Variants in EBF1 observed in about 807,000 individuals in gnomAD.
EBF1 encodes the protein transcription factor COE1.
In EBF1, 10 loss-of-function variants were observed where a neutral mutation model predicts 68.4. That is an observed-to-expected ratio of 0.15 (90% CI 0.09 to 0.25). EBF1 has a LOEUF of 0.25. Ranked by LOEUF, EBF1 falls within the 10% of genes least tolerant of loss-of-function variation. EBF1 has a pLI of 1.00. For missense variants in EBF1, 509 were observed against 794.4 expected (o/e 0.64, Z 4.32); for synonymous variants, 298 against 299.8 (o/e 0.99, Z 0.06).
chr5:158,969,916 G>GAA (rs61157554), intron 6 of EBF1, among the ~76,000 whole-genome samples: 5 of 80,100 alleles, frequency 6.2e-5, no homozygotes, highest in African/African-American at 1.5e-4. Flanking sequence ...AAGAAAGAAA[G>GAA]AAAAAAAAAA....
intron 14 of EBF1, among the ~76,000 whole-genome samples, chr5:158,708,860 A>C (rs1758498770): frequency 1.3e-5 from 2 of 152,246 alleles, no homozygotes; most frequent in Non-Finnish European, 1.5e-5. Context: ...CATGGGATAT[A>C]CATGAATGTT....
chr5:159,090,834 A>ATAAT, intron 4 of EBF1, among the ~76,000 whole-genome samples: 1 of 151,844 alleles, frequency 6.6e-6, no homozygotes, highest in Admixed American at 6.6e-5. Context: ...AATAATAATA[A>ATAAT]AAGCATCTAA....
chr5:159,084,450 T>C (rs373901119), intron 5 of EBF1, among the ~76,000 whole-genome samples: 392 of 152,248 alleles, frequency 2.6e-3, no homozygotes, highest in Non-Finnish European at 4.6e-3. Flanking sequence ...GAAATGTATG[T>C]CTTTCGGGAT....
At chr5:158,921,631 T>C (rs1422348228) in intron 6 of EBF1, among the ~76,000 whole-genome samples, 1 of 152,202 alleles carries the variant, frequency 6.6e-6, no homozygotes, top group African/African-American at 2.4e-5. Context: ...TTAGCGTGCA[T>C]TAATTAGTCC....
chr5:158,699,526 A>G (rs139325742), intron 15 of EBF1, among the ~76,000 whole-genome samples: 54 of 152,258 alleles, frequency 3.5e-4, no homozygotes, highest in African/African-American at 1.3e-3. Flanking sequence ...CTTCACACCC[A>G]AAATATAAAG....
chr5:158,910,351 A>G (rs965161923), intron 6 of EBF1, among the ~76,000 whole-genome samples: 34 of 152,242 alleles, frequency 2.2e-4, no homozygotes, highest in African/African-American at 8.2e-4. Context: ...TATTTCCCTT[A>G]GAGAAAGGCA....
rs576349439 is a variant in EBF1, at chr5:158,920,582, C to CT, written c.555-80473dup. Among the ~76,000 whole-genome samples, 913 of 147,400 alleles carry CT rather than the reference C, an allele frequency of 6.2e-3. 7 individuals are homozygous for CT. The highest frequency in any genetic ancestry group is 0.02 in the African/African-American group (797 of 40,478). Reference sequence around the variant, plus strand: ...AATGCCAAGGGAACTTTTCTTTCTTCTTTTTTTTTTTAAAGAAACACAGTC... The same window carrying CT: ...AATGCCAAGGGAACTTTTCTTTCTTCTTTTTTTTTTTTAAAGAAACACAGTC... On this transcript the variant is annotated intron_variant, in intron 6 of 15. Coordinates refer to ENST00000313708, the MANE Select transcript of EBF1 (RefSeq NM_024007.5).
chr5:158,793,921 C>CA (rs1305872087), intron 9 of EBF1, among the ~76,000 whole-genome samples: 2 of 151,982 alleles, frequency 1.3e-5, no homozygotes, highest in Non-Finnish European at 2.9e-5. Flanking sequence ...TAGAATATTA[C>CA]AAAAAAGGGT....
At chr5:158,829,124 T>C (rs1165142556) in intron 7 of EBF1, among the ~76,000 whole-genome samples, 2 of 152,174 alleles carry the variant, frequency 1.3e-5, no homozygotes, top group African/African-American at 2.4e-5. Context: ...GTCCATGCTT[T>C]TGTCTAAACC....
intron 10 of EBF1, among the ~76,000 whole-genome samples, chr5:158,744,970 G>A (rs1409127258): frequency 6.6e-6 from 1 of 152,110 alleles, no homozygotes; most frequent in African/African-American, 2.4e-5. Flanking sequence ...ATGACTTAAG[G>A]TACCCAGTGA....
At chr5:158,732,968 G>T (rs1581420503) in intron 10 of EBF1, among the ~76,000 whole-genome samples, 1 of 152,158 alleles carries the variant, frequency 6.6e-6, no homozygotes, top group East Asian at 1.9e-4. Flanking sequence ...ATCTATACTA[G>T]TATATGAGTT....
At chr5:158,833,078 C>T (rs1787940860) in intron 7 of EBF1, among the ~76,000 whole-genome samples, 1 of 152,002 alleles carries the variant, frequency 6.6e-6, no homozygotes, top group African/African-American at 2.4e-5. Context: ...ACTTGAGTGT[C>T]CTCACCTCAG....
intron 6 of EBF1, among the ~76,000 whole-genome samples, chr5:158,982,088 G>A (rs1467292302): frequency 6.6e-6 from 1 of 152,066 alleles, no homozygotes; most frequent in Non-Finnish European, 1.5e-5. Context: ...TTGGGGAAAA[G>A]GATTCAAAAT....
chr5:158,933,997 C>A (rs1054922873), intron 6 of EBF1, among the ~76,000 whole-genome samples: 5 of 152,100 alleles, frequency 3.3e-5, no homozygotes, highest in Admixed American at 6.6e-5. Context: ...TACACAAAAA[C>A]GAAACTTGCC....
At chr5:158,836,534 T>C (rs761045884) in intron 7 of EBF1, among the ~76,000 whole-genome samples, 2 of 152,078 alleles carry the variant, frequency 1.3e-5, no homozygotes, top group African/African-American at 2.4e-5. Flanking sequence ...AGAAAAAGAC[T>C]GAAGAAGAAA....
intron 6 of EBF1, among the ~76,000 whole-genome samples, chr5:159,036,337 A>G (rs943619683): frequency 1.1e-4 from 16 of 151,902 alleles, no homozygotes; most frequent in Admixed American, 9.8e-4. Context: ...AAAAGAGCCC[A>G]CATCGCCAAG....
At position 158,929,763 on chromosome 5, in the gene EBF1, A is replaced by G. The variant is rs1810444881; in HGVS notation, c.555-89653T>C. On this transcript the variant is annotated intron_variant, in intron 6 of 15. Coordinates refer to ENST00000313708, the MANE Select transcript of EBF1 (RefSeq NM_024007.5). ...TAAGTGCAAAAGATTATTATAAGGC[A>G]AATCTGCTGACAGCTGATTAATTTG... is the stretch of plus-strand genomic sequence containing the variant. 2.0e-5 allele frequency among the ~76,000 whole-genome samples: 3 copies of G among 152,240 alleles called. No individual in the cohort carries two copies. In the South Asian group the frequency reaches 6.2e-4, roughly 31 times the overall value.
intron 6 of EBF1, among the ~76,000 whole-genome samples, chr5:158,999,043 C>G (rs1311590983): frequency 1.3e-5 from 2 of 151,816 alleles, no homozygotes; most frequent in African/African-American, 4.8e-5. Flanking sequence ...GAATGAACCT[C>G]AAGCACACAC....
Position 158,712,974 on chromosome 5 carries a change from A to G in EBF1, c.1365T>C (p.Asn455=). 6.7e-7 allele frequency: 1 copy of G among 1,488,346 alleles called. No individual in the cohort carries two copies. The highest frequency in any genetic ancestry group is 1.4e-5 in the South Asian group (1 of 70,230). The allele number at this position is 1,488,346 out of a possible 1,614,324, so 92.2% of individuals were successfully genotyped here. The change falls in exon 13 of 16, where the codon AAT becomes AAC. Residue 455 remains asparagine, a synonymous_variant. Coordinates refer to ENST00000313708, the MANE Select transcript of EBF1 (RefSeq NM_024007.5). ...AGAGAAAAGCAAGCTTCTGACCCTG[A>G]TTGGTGGCTTGTGATGCCTCGGAGA... ...VNVSEASQAT[N]QGFTRNSSSV...
Sources: allele counts gnomAD v4.1 joint callset (sites outside exome capture counted in the v4.1 genomes callset), GRCh38; gene constraint gnomAD v4.1.1; transcripts MANE v1.5; gene names NCBI Gene and HGNC (gene_info 2026-07-23, HGNC 2026-07-21).